Variants in OSMR observed in about 807,000 individuals in gnomAD.
The protein encoded by OSMR is oncostatin-M-specific receptor subunit beta.
Under a neutral mutation model 99.9 loss-of-function variants are expected in OSMR, and 81 were observed. That is an observed-to-expected ratio of 0.81 (90% CI 0.68 to 0.97). OSMR has a LOEUF of 0.97. Ranked by LOEUF, OSMR falls within the 50% of genes least tolerant of loss-of-function variation. The pLI is 0.00. For synonymous variants in OSMR, 406 were observed against 410.4 expected (o/e 0.99, Z 0.13); for missense variants, 1,099 against 1,153.4 (o/e 0.95, Z 0.68).
At chr5:38,878,007 C>A (rs1421995260) in intron 3 of OSMR, among the ~76,000 whole-genome samples, 3 of 152,148 alleles carry the variant, frequency 2.0e-5, no homozygotes, top group Non-Finnish European at 4.4e-5. Context: ...GTTGTCCTCA[C>A]AACACCCAAC....
chr5:38,893,646 G>A (rs1447407202), intron 7 of OSMR, among the ~76,000 whole-genome samples: 2 of 151,826 alleles, frequency 1.3e-5, no homozygotes, highest in Non-Finnish European at 2.9e-5. Flanking sequence ...TTTAAAAAAT[G>A]AACAAAGTCT....
At chr5:38,896,132 T>A (rs1403735409) in intron 7 of OSMR, among the ~76,000 whole-genome samples, 1 of 151,964 alleles carries the variant, frequency 6.6e-6, no homozygotes, top group Non-Finnish European at 1.5e-5. Flanking sequence ...TTGGCAATTC[T>A]GGGTTTGTGG....
At chr5:38,940,131 AAAAAAAAAAAAC>A (rs1328670428), downstream of OSMR, 18 of 156,940 alleles carry the variant, frequency 1.1e-4, no homozygotes, top group Admixed American at 8.7e-4. Context: ...AAGTAACAGT[AAAAAAAAAAAAC>A]AAAAAAAAAA....
intron 1 of OSMR, among the ~76,000 whole-genome samples, chr5:38,861,689 G>C (rs1189512372): frequency 6.6e-6 from 1 of 151,666 alleles, no homozygotes; most frequent in African/African-American, 2.4e-5. Context: ...TTCCCAGTAG[G>C]GGCGGCCGGG....
chr5:38,898,767 C>T (rs146292509), intron 7 of OSMR, among the ~76,000 whole-genome samples: 307 of 151,704 alleles, frequency 2.0e-3, no homozygotes, highest in African/African-American at 7.2e-3. Context: ...TTTGCATATT[C>T]GTTATACATA....
chr5:38,853,467 C>G (rs1173751574), intron 1 of OSMR, among the ~76,000 whole-genome samples: 1 of 152,158 alleles, frequency 6.6e-6, no homozygotes, highest in Admixed American at 6.6e-5. Context: ...GAATTTGACC[C>G]TAAGCATTTT....
intron 9 of OSMR, among the ~76,000 whole-genome samples, chr5:38,909,483 G>A (rs1429730879): frequency 6.6e-6 from 1 of 152,194 alleles, no homozygotes; most frequent in East Asian, 1.9e-4. Flanking sequence ...CAGCTAGGGA[G>A]ACAGGGCGGG....
At chr5:38,931,510 A>G (rs1202962419) in intron 15 of OSMR, among the ~76,000 whole-genome samples, 2 of 152,190 alleles carry the variant, frequency 1.3e-5, no homozygotes, top group African/African-American at 4.8e-5. Context: ...CCAACAGCCC[A>G]TTGGCCAAGC....
intron 15 of OSMR, among the ~76,000 whole-genome samples, chr5:38,928,038 C>CTCCATCTGAGCCTGGACT (rs2112682917): frequency 6.6e-6 from 1 of 152,324 alleles, no homozygotes; most frequent in Admixed American, 6.5e-5. Flanking sequence ...AGTTCCTCAT[C>CTCCATCTGAGCCTGGACT]TCCATCTGAG....
chr5:38,930,261 G>A (rs1409248611), intron 15 of OSMR, among the ~76,000 whole-genome samples: 3 of 152,322 alleles, frequency 2.0e-5, no homozygotes, highest in East Asian at 3.9e-4. Flanking sequence ...TTCATAAAGA[G>A]AGTTTCTTTC....
At chr5:38,890,884 G>A (rs1183579875) in intron 7 of OSMR, among the ~76,000 whole-genome samples, 1 of 152,042 alleles carries the variant, frequency 6.6e-6, no homozygotes, top group East Asian at 1.9e-4. Context: ...ACTGAAAACT[G>A]TGCACAAGGA....
chr5:38,944,746 G>C (rs1579859175), intron 2 of OSMR, among the ~76,000 whole-genome samples: 1 of 152,318 alleles, frequency 6.6e-6, no homozygotes, highest in East Asian at 1.9e-4. Context: ...CTCTATGTCA[G>C]TGGGTGATAT....
chr5:38,931,907 T>C lies in OSMR; in HGVS notation c.2237T>C (p.Leu746Pro). ...EHSSMLIHIL[L>P]PMVFCVLLIM... is the part of the protein sequence containing the mutation. ...GCCTCGATGCTGATTCATATCCTACTGCCCATGGTTTTCTGCGTCTTGCTC... is the reference window on the plus strand; with the variant it reads ...GCCTCGATGCTGATTCATATCCTACCGCCCATGGTTTTCTGCGTCTTGCTC... Residue 746 changes from leucine to proline, a missense_variant, in exon 16 of 18, where the codon CTG becomes CCG. Physicochemically the swap from Leu to Pro is moderately conservative, Grantham distance 98. Coordinates refer to ENST00000274276, the MANE Select transcript of OSMR (RefSeq NM_003999.3). 1 of 1,613,696 alleles carries C rather than the reference T, an allele frequency of 6.2e-7. No individual in the cohort carries two copies. Among genetic ancestry groups the C allele is most frequent in the South Asian group, 1.1e-5 (1 of 91,080 alleles).
chr5:38,904,016 A>C lies in OSMR; in HGVS notation c.1126A>C (p.Met376Leu). 6.2e-7 allele frequency: 1 copy of C among 1,614,130 alleles called. No individual in the cohort carries two copies. Among genetic ancestry groups the C allele is most frequent in the South Asian group, 1.1e-5 (1 of 91,072 alleles). ...CQIELHGEGK[M>L]MQYNVSIKVN... Reference sequence around the variant, plus strand: ...GATTGAACTCCATGGTGAAGGAAAAATGATGCAAGTAAGAACCCTGCTTAA... The same window carrying C: ...GATTGAACTCCATGGTGAAGGAAAACTGATGCAAGTAAGAACCCTGCTTAA... Residue 376 changes from methionine to leucine, a missense_variant, in exon 8 of 18, where the codon ATG becomes CTG. Met to Leu is a conservative substitution (Grantham distance 15). Transcript: ENST00000274276.
intron 7 of OSMR, among the ~76,000 whole-genome samples, chr5:38,894,304 A>T (rs1349484044): frequency 6.6e-6 from 1 of 152,176 alleles, no homozygotes; most frequent in Non-Finnish European, 1.5e-5. Flanking sequence ...TCACAATAGG[A>T]TCAAAACCTC....
intron 9 of OSMR, among the ~76,000 whole-genome samples, chr5:38,906,466 G>A (rs959250185): frequency 4.2e-4 from 64 of 152,242 alleles, no homozygotes; most frequent in African/African-American, 1.5e-3. Flanking sequence ...TGAATTGATG[G>A]TATAAATGAT....
downstream of OSMR, chr5:38,939,270 G>C (rs1172300759): frequency 1.3e-5 from 3 of 232,500 alleles, no homozygotes; most frequent in African/African-American, 6.6e-5. Flanking sequence ...AACTCAGCTT[G>C]AATTATCTCA....
chr5:38,898,489 T>C (rs1744670422), intron 7 of OSMR, among the ~76,000 whole-genome samples: 1 of 152,210 alleles, frequency 6.6e-6, no homozygotes. Context: ...TATGTGCCTT[T>C]ATAGGCTAAG....
intron 11 of OSMR, chr5:38,919,399 C>T: frequency 7.8e-7 from 1 of 1,276,072 alleles, no homozygotes; most frequent in Non-Finnish European, 1.0e-6. Context: ...ATCTTTGTGG[C>T]TTGTGAAATA....
Sources: allele counts gnomAD v4.1 joint callset (sites outside exome capture counted in the v4.1 genomes callset), GRCh38; gene constraint gnomAD v4.1.1; transcripts MANE v1.5; gene names NCBI Gene and HGNC (gene_info 2026-07-23, HGNC 2026-07-21).